Variants in TMEM50A observed in about 807,000 individuals in gnomAD.
TMEM50A encodes cervical cancer oncogene 9.
A neutral mutation model predicts 23.9 loss-of-function variants in TMEM50A; 8 were observed. The ratio of observed to expected loss-of-function variants is 0.33; its 90% confidence interval spans 0.20 to 0.60. The LOEUF (loss-of-function observed/expected upper bound fraction) is 0.60, where lower values mean the gene tolerates loss of function less well. Ranked by LOEUF, TMEM50A falls within the 20% of genes least tolerant of loss-of-function variation. The probability of loss-of-function intolerance (pLI) is 0.81; values close to 1 mark genes in which losing one functional copy is unlikely to be tolerated. For missense variants in TMEM50A, 178 were observed against 192.7 expected (o/e 0.92, Z 0.45); for synonymous variants, 55 against 60.4 (o/e 0.91, Z 0.41).
chr1:25,349,064 A>C (rs1228892582), intron 3 of TMEM50A, among the ~76,000 whole-genome samples: 2 of 152,038 alleles, frequency 1.3e-5, no homozygotes, highest in South Asian at 2.1e-4. Flanking sequence ...GCAGCCCTAC[A>C]TGGGATGCTG....
intron 2 of TMEM50A, among the ~76,000 whole-genome samples, chr1:25,341,620 C>G (rs1200702004): frequency 6.6e-6 from 1 of 152,184 alleles, no homozygotes; most frequent in African/African-American, 2.4e-5. Context: ...CTCAGATGAT[C>G]TGTCTGCCTC....
At chr1:25,340,204 A>C (rs1182481002) in intron 1 of TMEM50A, among the ~76,000 whole-genome samples, 1 of 152,150 alleles carries the variant, frequency 6.6e-6, no homozygotes, top group East Asian at 1.9e-4. Context: ...CCAAATTGGT[A>C]GGATTACGGG....
intron 2 of TMEM50A, among the ~76,000 whole-genome samples, chr1:25,341,290 G>C (rs1645165348): frequency 3.3e-5 from 5 of 152,016 alleles, no homozygotes; most frequent in Admixed American, 2.0e-4. Context: ...CGGAGTCTCA[G>C]TCTGTCGCCC....
intron 3 of TMEM50A, among the ~76,000 whole-genome samples, chr1:25,346,296 T>C (rs1306924954): frequency 6.6e-6 from 1 of 152,078 alleles, no homozygotes; most frequent in African/African-American, 2.4e-5. Flanking sequence ...AAGGTGCTGA[T>C]GTAAGAACAA....
chr1:25,341,343 C>T (rs747273666), intron 2 of TMEM50A, among the ~76,000 whole-genome samples: 50 of 151,962 alleles, frequency 3.3e-4, no homozygotes, highest in South Asian at 6.2e-4. Context: ...CTGCAAGCTC[C>T]GCTTCCCGGG....
chr1:25,340,662 A>G, intron 2 of TMEM50A, 83 bp downstream of exon 2: 1 of 1,010,070 alleles, frequency 9.9e-7, no homozygotes, highest in South Asian at 1.6e-5. Context: ...GTTTTAAAAT[A>G]TGTACTATTT....
rs1255372045 is a variant in TMEM50A, at chr1:25,361,836, G to A, written c.*1131G>A. 1 of 155,744 alleles carries A rather than the reference G, an allele frequency of 6.4e-6. No individual in the cohort carries two copies. 9.6% of individuals were successfully genotyped at this position (155,744 alleles called of 1,614,324 possible). A position where few individuals can be genotyped will look rare whatever the true frequency, so the allele number is the denominator to read the frequency against. ...ACTCTCCTCAAAGAAATGACTTGCT[G>A]TCATCCCACATGAACTCCTGATGTT... is the stretch of plus-strand genomic sequence containing the variant. On this transcript the variant is annotated 3_prime_UTR_variant, in exon 7 of 7. Transcript: ENST00000374358.
chr1:25,352,553 G>A (rs759682452), intron 4 of TMEM50A, among the ~76,000 whole-genome samples: 2 of 151,556 alleles, frequency 1.3e-5, no homozygotes, highest in Non-Finnish European at 2.9e-5. Flanking sequence ...TAAGGAGAAT[G>A]AGCCTCTAAA....
In TMEM50A at chr1:25,360,990, AG is replaced by A. The variant is rs1044651937; in HGVS notation, c.*286del. On this transcript the variant is annotated 3_prime_UTR_variant, in exon 7 of 7. Transcript: ENST00000374358. ...TGTAAAAATAAAAAGAAATTACAAA[AG>A]AAATTATGGATTTGTCAATGTAAGT... 111 of 322,518 alleles carry A rather than the reference AG, an allele frequency of 3.4e-4. No homozygotes were observed. Among genetic ancestry groups the A allele is most frequent in the African/African-American group, 2.2e-3 (104 of 47,324 alleles). 20.0% of individuals were successfully genotyped at this position (322,518 alleles called of 1,614,324 possible).
At chr1:25,349,066 G>A (rs1231666531) in intron 3 of TMEM50A, among the ~76,000 whole-genome samples, 5 of 152,096 alleles carry the variant, frequency 3.3e-5, no homozygotes, top group Non-Finnish European at 7.4e-5. Flanking sequence ...AGCCCTACAT[G>A]GGATGCTGGA....
At chr1:25,343,809 G>A (rs1645188154) in intron 3 of TMEM50A, among the ~76,000 whole-genome samples, 1 of 152,170 alleles carries the variant, frequency 6.6e-6, no homozygotes, top group Admixed American at 6.5e-5. Context: ...TTCATTCCAG[G>A]CAGGTGAAAC....
At position 25,351,647 on chromosome 1, in the gene TMEM50A, A is replaced by G. The variant is rs149714985; in HGVS notation, c.228A>G (p.Gly76=). 5.6e-6 allele frequency: 9 copies of G among 1,613,028 alleles called. No homozygotes were observed. Among genetic ancestry groups the G allele is most frequent in the Non-Finnish European group, 7.6e-6 (9 of 1,179,778 alleles). The change falls in exon 4 of 7, where the codon GGA becomes GGG. Residue 76 remains glycine, a synonymous_variant. Transcript: ENST00000374358. ...ACAGGATTAATGCAGTATCGAATGG[A>G]CAAGTCCGAGGTGATAGTTACAGTG... ...AFLMINAVSN[G]QVRGDSYSEG...
intron 1 of TMEM50A, chr1:25,338,780 C>A (rs560281401): frequency 6.6e-6 from 1 of 152,256 alleles, no homozygotes; most frequent in African/African-American, 2.4e-5. Flanking sequence ...GGAGCGTGAC[C>A]CGGCCAGCTC....
Position 25,360,957 on chromosome 1 carries a change from G to C in TMEM50A, c.*252G>C. ...ATAATTTTTGTCAAATTTTATCATG[G>C]TATAATTTGTAAAAATAAAAAGAAA... On this transcript the variant is annotated 3_prime_UTR_variant, in exon 7 of 7. Coordinates refer to ENST00000374358, the MANE Select transcript of TMEM50A (RefSeq NM_014313.4). 5.4e-6 allele frequency: 2 copies of C among 371,026 alleles called. No individual in the cohort carries two copies. Among genetic ancestry groups the C allele is most frequent in the East Asian group, 8.7e-5 (2 of 22,882 alleles). The allele number at this position is 371,026 out of a possible 1,614,324, so 23.0% of individuals were successfully genotyped here. A position where few individuals can be genotyped will look rare whatever the true frequency, so the allele number is the denominator to read the frequency against.
At chr1:25,341,348 C>G (rs1427301643) in intron 2 of TMEM50A, among the ~76,000 whole-genome samples, 4 of 152,046 alleles carry the variant, frequency 2.6e-5, no homozygotes, top group African/African-American at 9.7e-5. Context: ...AGCTCCGCTT[C>G]CCGGGGTTCA....
At chr1:25,352,515 AT>A (rs1316231827) in intron 4 of TMEM50A, among the ~76,000 whole-genome samples, 311 of 151,086 alleles carry the variant, frequency 2.1e-3, no homozygotes, top group African/African-American at 7.1e-3. Context: ...AAAAAAAAAA[AT>A]GTGGGATCAT....
chr1:25,359,349 C>T (rs1245791819), intron 6 of TMEM50A, among the ~76,000 whole-genome samples: 2 of 152,122 alleles, frequency 1.3e-5, no homozygotes, highest in African/African-American at 2.4e-5. Context: ...TACAGTTGCG[C>T]TCTTGCCTCT....
chr1:25,351,041 G>A (rs1645270170), intron 3 of TMEM50A, among the ~76,000 whole-genome samples: 1 of 151,932 alleles, frequency 6.6e-6, no homozygotes, highest in South Asian at 2.1e-4. Flanking sequence ...GTGCATGCCT[G>A]TAGTCCCAAC....
At chr1:25,341,883 GT>G (rs922269359) in intron 2 of TMEM50A, among the ~76,000 whole-genome samples, 1 of 149,776 alleles carries the variant, frequency 6.7e-6, no homozygotes, top group African/African-American at 2.5e-5. Context: ...TTTTTTGTTT[GT>G]TTTTTTTGTA....
Sources: allele counts gnomAD v4.1 joint callset (sites outside exome capture counted in the v4.1 genomes callset), GRCh38; gene constraint gnomAD v4.1.1; transcripts MANE v1.5; gene names NCBI Gene and HGNC (gene_info 2026-07-23, HGNC 2026-07-21).